Variants in PABPC1L observed in about 807,000 individuals in gnomAD.
The protein encoded by PABPC1L is poly(A) binding protein cytoplasmic 1 like.
PABPC1L carries 31 observed loss-of-function variants against 66.6 expected under a neutral mutation model. The ratio of observed to expected loss-of-function variants is 0.47; its 90% confidence interval spans 0.35 to 0.63. The LOEUF (loss-of-function observed/expected upper bound fraction) is 0.63. PABPC1L is among the 20% of genes least tolerant of loss of function. The probability of loss-of-function intolerance (pLI) is 0.00; values close to 1 mark genes in which losing one functional copy is unlikely to be tolerated. For missense variants in PABPC1L, 722 were observed against 848.8 expected (o/e 0.85, Z 1.86); for synonymous variants, 348 against 335.1 (o/e 1.04, Z -0.42).
chr20:44,937,918 A>G, intron 12 of PABPC1L, 143 bp from the exon 13 acceptor site: 2 of 1,105,432 alleles, frequency 1.8e-6, no homozygotes, highest in Non-Finnish European at 2.5e-6. Context: ...ATGTTAGAAG[A>G]TCAAGTGTTA....
intron 14 of PABPC1L, 142 bp from the exon 15 acceptor site, chr20:44,938,984 G>C: frequency 1.5e-6 from 1 of 672,540 alleles, no homozygotes; most frequent in Non-Finnish European, 2.7e-6. Context: ...GCTTCATGCA[G>C]AATAGTTTGG....
intron 8 of PABPC1L, among the ~76,000 whole-genome samples, chr20:44,931,234 T>C (rs1022737930): frequency 1.3e-4 from 20 of 151,318 alleles, no homozygotes; most frequent in Non-Finnish European, 2.8e-4. Flanking sequence ...TGGAGAGCAA[T>C]GGCATGATCA....
chr20:44,914,137 C>T (rs1568642250), intron 2 of PABPC1L, among the ~76,000 whole-genome samples: 2 of 151,254 alleles, frequency 1.3e-5, no homozygotes, highest in South Asian at 4.2e-4. Context: ...TCAGTTACCC[C>T]GTAGCCTTTG....
Position 44,912,753 on chromosome 20 carries a change from C to G in PABPC1L, c.287C>G (p.Ser96Ter). ...CAGCGAGACCCAGGACTTCGCAAGT[C>G]AGGTGTGGGCAACATCTTCATCAAG... ...WSQRDPGLRKSGVGNIFIKNL... is the reference protein window; with the variant it reads ...WSQRDPGLRK Residue 96 changes from serine to a stop codon, truncating the protein, a stop_gained, in exon 2 of 15, where the codon TCA becomes TGA. Transcript: ENST00000217073. LOFTEE classifies it high-confidence loss of function. 6.2e-7 allele frequency: 1 copy of G among 1,614,116 alleles called. No individual in the cohort carries two copies. The highest frequency in any genetic ancestry group is 8.5e-7 in the Non-Finnish European group (1 of 1,179,976).
chr20:44,922,716 G>C (rs1299197549), intron 6 of PABPC1L, among the ~76,000 whole-genome samples: 1 of 152,108 alleles, frequency 6.6e-6, no homozygotes, highest in Non-Finnish European at 1.5e-5. Flanking sequence ...CATGGAGAGG[G>C]GCATATAAAT....
intron 8 of PABPC1L, among the ~76,000 whole-genome samples, chr20:44,931,015 TC>T (rs59351009): frequency 0.048 from 1,942 of 40,288 alleles, 60 homozygotes; most frequent in African/African-American, 0.1. Context: ...CTCCCTTCCT[TC>T]CCTTCCCTCC....
intron 8 of PABPC1L, among the ~76,000 whole-genome samples, chr20:44,930,956 C>T (rs1399842815): frequency 6.6e-6 from 1 of 151,858 alleles, no homozygotes; most frequent in Non-Finnish European, 1.5e-5. Flanking sequence ...CTTAATGATC[C>T]AGCAAGTTTG....
rs1290078323 is a variant in PABPC1L at position 44,910,134 on chromosome 20, C to T, written c.-10C>T. 7 of 1,553,736 alleles carry T rather than the reference C, an allele frequency of 4.5e-6. No homozygotes were observed. Among genetic ancestry groups the T allele is most frequent in the Admixed American group, 1.9e-5 (1 of 52,018 alleles). ...CCTGCTTGCCCCGCAGCCCCGGCCCCCTGCCCACCATGAACGCCAGCGGTT... is the reference window on the plus strand; with the variant it reads ...CCTGCTTGCCCCGCAGCCCCGGCCCTCTGCCCACCATGAACGCCAGCGGTT... On this transcript the variant is annotated 5_prime_UTR_variant, in exon 1 of 15. Transcript: ENST00000217073.
chr20:44,927,910 C>T (rs373688355), intron 7 of PABPC1L, among the ~76,000 whole-genome samples: 39 of 151,902 alleles, frequency 2.6e-4, no homozygotes, highest in Non-Finnish European at 4.6e-4. Context: ...GCAATTCTTC[C>T]GCCTCTGCTT....
chr20:44,918,653 T>TG (rs2145559932), intron 3 of PABPC1L, among the ~76,000 whole-genome samples: 1 of 152,324 alleles, frequency 6.6e-6, no homozygotes, highest in East Asian at 1.9e-4. Flanking sequence ...TAATAGTAAT[T>TG]ATGTGTGCAT....
chr20:44,937,620 G>A (rs896745831), intron 12 of PABPC1L, among the ~76,000 whole-genome samples: 8 of 152,060 alleles, frequency 5.3e-5, no homozygotes, highest in Non-Finnish European at 1.2e-4. Context: ...TCACCATGTT[G>A]GCCAGGCTGG....
At chr20:44,928,816 GAT>G (rs1377976298) in intron 7 of PABPC1L, among the ~76,000 whole-genome samples, 1 of 121,838 alleles carries the variant, frequency 8.2e-6, no homozygotes, top group East Asian at 2.7e-4. Context: ...GTTGAGCTGA[GAT>G]TGCACCACTG....
At chr20:44,918,193 G>A (rs1371191879) in intron 3 of PABPC1L, among the ~76,000 whole-genome samples, 1 of 152,106 alleles carries the variant, frequency 6.6e-6, no homozygotes, top group African/African-American at 2.4e-5. Context: ...ATGCGTGGTG[G>A]CACATACCTG....
chr20:44,938,095 C>T lies in PABPC1L; in HGVS notation c.1695C>T (p.His565=). 6.2e-7 allele frequency: 1 copy of T among 1,614,186 alleles called. No homozygotes were observed. Among genetic ancestry groups the T allele is most frequent in the Non-Finnish European group, 8.5e-7 (1 of 1,180,040 alleles). ...ERLYPLIHDV[H]TQLAGKITGM... ...TCTACCCCCTTATCCATGATGTCCA[C>T]ACCCAGCTGGCTGGCAAGATCACGG... The change falls in exon 13 of 15, where the codon CAC becomes CAT. Residue 565 remains histidine (H), a synonymous_variant. Transcript: ENST00000217073.
At chr20:44,910,463 A>G in intron 1 of PABPC1L, 127 bp downstream of exon 1, 1 of 1,121,280 alleles carries the variant, frequency 8.9e-7, no homozygotes, top group Non-Finnish European at 1.2e-6. Context: ...AGGCTCAAAG[A>G]TAACAGGGCG....
rs374897081 is a variant in PABPC1L at position 44,921,661 on chromosome 20, G to A, written c.806G>A (p.Arg269His). ...CTGTACGCGGGCCGGGCCCAAAAGC[G>A]CGTGGAGCGGCAGAATGAACTGAAG... is the stretch of plus-strand genomic sequence containing the variant. ...RLLYAGRAQK[R>H]VERQNELKRR... is the part of the protein sequence containing the mutation. Residue 269 changes from arginine (R) to histidine (H), a missense_variant, in exon 6 of 15, where the codon CGC (arginine) becomes CAC (histidine). Arg to His is a conservative substitution (Grantham distance 29, BLOSUM62 0). Transcript: ENST00000217073. 20 of 1,613,950 alleles carry A rather than the reference G, an allele frequency of 1.2e-5. No individual in the cohort carries two copies. The highest frequency in any genetic ancestry group is 1.2e-4 in the African/African-American group (9 of 74,942).
intron 11 of PABPC1L, among the ~76,000 whole-genome samples, chr20:44,936,161 C>A (rs983448471): frequency 6.6e-6 from 1 of 152,020 alleles, no homozygotes; most frequent in African/African-American, 2.4e-5. Context: ...ACAGGGGTCT[C>A]ATTATGTTGC....
intron 5 of PABPC1L, among the ~76,000 whole-genome samples, chr20:44,921,336 C>T (rs759469619): frequency 9.2e-5 from 14 of 151,666 alleles, no homozygotes; most frequent in African/African-American, 2.9e-4. Context: ...TTAGTAGAGA[C>T]GGGGTTTCTC....
chr20:44,933,646 T>C lies in PABPC1L; in HGVS notation c.1459+461T>C, dbSNP rs2066879149. ...TTTTAGTAGAGACGGGGTTTCTCCATGTTGGTCAGGTTGGTCTTGAACTCC... is the reference window on the plus strand; with the variant it reads ...TTTTAGTAGAGACGGGGTTTCTCCACGTTGGTCAGGTTGGTCTTGAACTCC... On this transcript the variant is annotated intron_variant, in intron 10 of 14. Transcript: ENST00000217073. Among the ~76,000 whole-genome samples, 3 of 151,400 alleles carry C rather than the reference T, an allele frequency of 2.0e-5. No homozygotes were observed. In the South Asian group the frequency reaches 6.3e-4, roughly 32 times the overall value.
Sources: allele counts gnomAD v4.1 joint callset (sites outside exome capture counted in the v4.1 genomes callset), GRCh38; gene constraint gnomAD v4.1.1; transcripts MANE v1.5; gene names NCBI Gene and HGNC (gene_info 2026-07-23, HGNC 2026-07-21).